Variants in CNTNAP2 observed in about 807,000 individuals in gnomAD.
CNTNAP2 encodes the protein contactin associated protein 2, also known as contactin-associated protein-like 2.
A neutral mutation model predicts 155.2 loss-of-function variants in CNTNAP2; 98 were observed. The ratio of observed to expected loss-of-function variants is 0.63; its 90% confidence interval spans 0.54 to 0.75. The LOEUF (loss-of-function observed/expected upper bound fraction) is 0.75. Among genes scored for constraint, CNTNAP2 ranks in the 30% least tolerant of loss-of-function variants. The pLI, the probability that CNTNAP2 is intolerant of heterozygous loss-of-function variation, is 0.00. For synonymous variants in CNTNAP2, 651 were observed against 631.2 expected, an observed-to-expected ratio of 1.03 and a Z score of -0.47; for missense variants, 1,727 against 1,688.1, an observed-to-expected ratio of 1.02 and a Z score of -0.40.
At chr7:146,584,977 C>T (rs1050676130) in intron 1 of CNTNAP2, among the ~76,000 whole-genome samples, 17 of 152,028 alleles carry the variant, frequency 1.1e-4, no homozygotes, top group African/African-American at 3.9e-4. Flanking sequence ...CTGTTTGGGG[C>T]CCTATTCCTT....
At chr7:148,407,973 A>C (rs1799741355) in intron 22 of CNTNAP2, among the ~76,000 whole-genome samples, 2 of 152,210 alleles carry the variant, frequency 1.3e-5, no homozygotes. Flanking sequence ...GGCCAGGTGC[A>C]GTGGCTCATG....
rs56287346 is a variant in CNTNAP2, at chr7:146,322,634, C to CTTTTTTTTTTTTTTTTTTTTTTTTTT, written c.97+205679_97+205680insTTTTTTTTTTTTTTTTTTTTTTTTTT. ...AAGAGGAGACTGTTGTGTTCATTCT[C>CTTTTTTTTTTTTTTTTTTTTTTTTTT]TTTTTTTTTTTTTTTTTTGCTGGCT... On this transcript the variant is annotated intron_variant, in intron 1 of 23. Coordinates refer to ENST00000361727, the MANE Select transcript of CNTNAP2 (RefSeq NM_014141.6). Among the ~76,000 whole-genome samples, 8 of 64,956 alleles carry CTTTTTTTTTTTTTTTTTTTTTTTTTT rather than the reference C, an allele frequency of 1.2e-4. 1 individual carries two copies. Among genetic ancestry groups the CTTTTTTTTTTTTTTTTTTTTTTTTTT allele is most frequent in the Non-Finnish European group, 2.2e-4 (8 of 36,418 alleles). The allele number at this position is 64,956 out of a possible 152,430, so 42.6% of individuals were successfully genotyped here.
chr7:147,369,879 A>C (rs911703032), intron 9 of CNTNAP2, among the ~76,000 whole-genome samples: 49 of 152,170 alleles, frequency 3.2e-4, no homozygotes, highest in African/African-American at 1.1e-3. Flanking sequence ...AATCGAATTC[A>C]TACTGTCTGT....
chr7:147,613,654 C>T (rs1584855356), intron 12 of CNTNAP2, among the ~76,000 whole-genome samples: 1 of 152,086 alleles, frequency 6.6e-6, no homozygotes, highest in East Asian at 1.9e-4. Context: ...CCAGCCTGGC[C>T]AACATGATGA....
intron 19 of CNTNAP2, among the ~76,000 whole-genome samples, chr7:148,222,567 T>TACGA (rs1795769881): frequency 1.4e-5 from 2 of 147,234 alleles, no homozygotes; most frequent in African/African-American, 2.6e-5. Flanking sequence ...TCCATGAATC[T>TACGA]ATGAATGGAT....
Position 146,644,407 on chromosome 7 carries a change from G to A in CNTNAP2, c.98-129864G>A, listed in dbSNP as rs566087578. Among the ~76,000 whole-genome samples the A allele has an allele frequency of 1.5e-4, 23 of 152,254 alleles. No individual in the cohort carries two copies. The South Asian group carries it at 4.6e-3, about 30-fold the overall frequency. ...CAAAGGCCTGTTCTGCATCTATTGA[G>A]ATAATCATGTGGTTTTTGTCTTTGG... is the stretch of plus-strand genomic sequence containing the variant. On this transcript the variant is annotated intron_variant, in intron 1 of 23. Transcript: ENST00000361727.
intron 3 of CNTNAP2, among the ~76,000 whole-genome samples, chr7:147,025,127 T>C (rs952316934): frequency 6.7e-6 from 1 of 149,436 alleles, no homozygotes; most frequent in Non-Finnish European, 1.5e-5. Context: ...CTACTAAAAA[T>C]ACCAAAAAAT....
intron 13 of CNTNAP2, among the ~76,000 whole-genome samples, chr7:147,802,075 C>G (rs541403746): frequency 7.1e-6 from 1 of 141,220 alleles, no homozygotes; most frequent in African/African-American, 2.5e-5. Context: ...AGTTGCCGGG[C>G]GGAGGGTCTC....
At chr7:148,119,367 CA>C (rs10670510) in intron 16 of CNTNAP2, among the ~76,000 whole-genome samples, 193 of 146,106 alleles carry the variant, frequency 1.3e-3, no homozygotes, top group African/African-American at 3.0e-3. Context: ...ACTAAAAATA[CA>C]AAAAAAAAAA....
At chr7:146,870,068 G>C (rs1333651131) in intron 3 of CNTNAP2, among the ~76,000 whole-genome samples, 1 of 152,082 alleles carries the variant, frequency 6.6e-6, no homozygotes, top group Non-Finnish European at 1.5e-5. Context: ...TTTCTGCCAG[G>C]TTTTGGTATC....
chr7:146,751,137 G>C (rs1801896088), intron 1 of CNTNAP2, among the ~76,000 whole-genome samples: 1 of 152,034 alleles, frequency 6.6e-6, no homozygotes, highest in Non-Finnish European at 1.5e-5. Flanking sequence ...TAGTTTTATT[G>C]TGCAGATATA....
intron 20 of CNTNAP2, among the ~76,000 whole-genome samples, chr7:148,251,336 G>T (rs776721011): frequency 6.6e-6 from 1 of 152,228 alleles, no homozygotes; most frequent in East Asian, 1.9e-4. Context: ...AGGGAGAGAT[G>T]CAGGTGGCAA....
intron 12 of CNTNAP2, among the ~76,000 whole-genome samples, chr7:147,566,675 G>C (rs932104533): frequency 1.3e-5 from 2 of 152,084 alleles, no homozygotes; most frequent in Admixed American, 6.5e-5. Context: ...GAAGTACATG[G>C]AGGAAACTGT....
chr7:146,626,920 A>G (rs1799429553), intron 1 of CNTNAP2, among the ~76,000 whole-genome samples: 1 of 152,096 alleles, frequency 6.6e-6, no homozygotes. Context: ...TCTCTAATAT[A>G]ACATTGCTTC....
intron 13 of CNTNAP2, among the ~76,000 whole-genome samples, chr7:147,815,288 G>T (rs1232239767): frequency 6.6e-6 from 1 of 151,970 alleles, no homozygotes; most frequent in African/African-American, 2.4e-5. Context: ...TGTTCTGGGT[G>T]TTAGGAAGAT....
intron 1 of CNTNAP2, among the ~76,000 whole-genome samples, chr7:146,758,732 C>A (rs1360957015): frequency 6.6e-6 from 1 of 152,110 alleles, no homozygotes; most frequent in Non-Finnish European, 1.5e-5. Flanking sequence ...AGGGTCCCTC[C>A]CACAACAAGT....
intron 3 of CNTNAP2, among the ~76,000 whole-genome samples, chr7:147,039,420 TA>T (rs1283994231): frequency 6.6e-6 from 1 of 152,164 alleles, no homozygotes; most frequent in Non-Finnish European, 1.5e-5. Flanking sequence ...TTGTGTTTAT[TA>T]GTTCTCATCA....
At chr7:147,606,381 T>C (rs1339799156) in intron 12 of CNTNAP2, among the ~76,000 whole-genome samples, 1 of 152,222 alleles carries the variant, frequency 6.6e-6, no homozygotes, top group Non-Finnish European at 1.5e-5. Context: ...CGTTTCCCCT[T>C]GGAGGATCTG....
At chr7:148,104,118 T>C (rs1804158102) in intron 15 of CNTNAP2, among the ~76,000 whole-genome samples, 2 of 152,206 alleles carry the variant, frequency 1.3e-5, no homozygotes, top group South Asian at 4.1e-4. Flanking sequence ...CGTCTCTCTT[T>C]CTTTGCACTA....
Sources: gnomAD v4.1 joint callset for allele counts (sites outside exome capture counted in the v4.1 genomes callset) on GRCh38, gnomAD v4.1.1 for gene constraint, MANE v1.5 for transcripts, NCBI Gene and HGNC (gene_info 2026-07-23, HGNC 2026-07-21) for gene names.